Variants in RAB28 observed in about 807,000 individuals in gnomAD.
RAB28 encodes RAB28, member RAS oncogene family, also known as ras-related protein Rab-28.
A neutral mutation model predicts 31.7 loss-of-function variants in RAB28; 24 were observed. The observed-to-expected ratio is 0.76, with a 90% CI of 0.55 to 1.06. The LOEUF (loss-of-function observed/expected upper bound fraction) is 1.06. Among genes scored for constraint, RAB28 ranks in the 50% least tolerant of loss-of-function variants. RAB28 has a pLI of 0.00. For missense variants in RAB28, 254 were observed against 258.5 expected (o/e 0.98, Z 0.12); for synonymous variants, 100 against 90.4 (o/e 1.11, Z -0.60).
rs1456448874 is a variant in RAB28, at chr4:13,484,119, C to G, written c.32G>C (p.Arg11Pro). Reference protein sequence around the residue: MSDSEEESQDRQLKIVVLGDG... With the variant: MSDSEEESQDPQLKIVVLGDG... ...CCCCAGCACGACGATTTTCAGTTGC[C>G]GGTCCTGGCTCTCCTCCTCAGAGTC... Residue 11 changes from arginine (R) to proline (P), a missense_variant, in exon 1 of 7, where the codon CGG (arginine) becomes CCG (proline). By Grantham distance (103) the Arg-to-Pro change is moderately radical. Coordinates refer to ENST00000330852, the MANE Select transcript of RAB28 (RefSeq NM_001017979.3). 5.6e-6 allele frequency: 9 copies of G among 1,599,980 alleles called. No individual in the cohort carries two copies. Among genetic ancestry groups the G allele is most frequent in the Non-Finnish European group, 7.7e-6 (9 of 1,173,542 alleles).
At chr4:13,453,505 A>C (rs1408807186) in intron 4 of RAB28, among the ~76,000 whole-genome samples, 1 of 152,128 alleles carries the variant, frequency 6.6e-6, no homozygotes, top group Non-Finnish European at 1.5e-5. Context: ...CAGATGTAAG[A>C]GTACCTTGAA....
chr4:13,410,417 T>C (rs1032704150), intron 4 of RAB28, among the ~76,000 whole-genome samples: 4 of 152,118 alleles, frequency 2.6e-5, no homozygotes, highest in Non-Finnish European at 5.9e-5. Flanking sequence ...ATTGCCGGTA[T>C]GTTACCAATA....
chr4:13,383,100 C>T (rs551415529), intron 4 of RAB28, among the ~76,000 whole-genome samples: 3 of 152,160 alleles, frequency 2.0e-5, no homozygotes, highest in African/African-American at 7.2e-5. Context: ...AAGGAATGTC[C>T]AGATACCACA....
At chr4:13,458,551 T>C (rs1046826994) in intron 4 of RAB28, among the ~76,000 whole-genome samples, 3 of 152,144 alleles carry the variant, frequency 2.0e-5, no homozygotes, top group African/African-American at 7.2e-5. Flanking sequence ...CTGAAATCAT[T>C]TTCTCTTTTT....
chr4:13,393,250 C>T (rs1287919797), intron 4 of RAB28, among the ~76,000 whole-genome samples: 2 of 152,096 alleles, frequency 1.3e-5, no homozygotes, highest in Non-Finnish European at 2.9e-5. Context: ...CAGTTACATA[C>T]TGAAAGAGGA....
At chr4:13,474,093 T>C (rs745595181) in intron 3 of RAB28, 49 of 678,226 alleles carry the variant, frequency 7.2e-5, no homozygotes, top group East Asian at 2.9e-5. Flanking sequence ...GTAAATAACA[T>C]ACGAAAGCTG....
Position 13,412,855 on chromosome 4 carries a change from A to T in RAB28, c.392-31261T>A, listed in dbSNP as rs189008958. ...AAAAACTCAGAGAAGTTATGGTAAG[A>T]TAATAGGAAGTGATGAAACCTGAGC... On this transcript the variant is annotated intron_variant, in intron 4 of 6. Transcript: ENST00000330852. Among the ~76,000 whole-genome samples, 292 of 152,250 alleles carry T rather than the reference A, an allele frequency of 1.9e-3. 3 individuals are homozygous for T. Among genetic ancestry groups the T allele is most frequent in the Non-Finnish European group, 7.2e-4 (49 of 68,014 alleles).
At chr4:13,415,653 G>A (rs1712726426) in intron 4 of RAB28, among the ~76,000 whole-genome samples, 1 of 151,642 alleles carries the variant, frequency 6.6e-6, no homozygotes, top group African/African-American at 2.4e-5. Flanking sequence ...AGCCTCCCCC[G>A]CCCCCTCCAA....
chr4:13,437,954 T>C (rs1471526793), intron 4 of RAB28, among the ~76,000 whole-genome samples: 3 of 152,046 alleles, frequency 2.0e-5, no homozygotes, highest in African/African-American at 7.2e-5. Flanking sequence ...TAGGCGCACA[T>C]CAAAAGTGGA....
intron 4 of RAB28, among the ~76,000 whole-genome samples, chr4:13,401,437 G>C (rs1437567123): frequency 3.3e-5 from 5 of 152,080 alleles, no homozygotes; most frequent in Non-Finnish European, 7.3e-5. Flanking sequence ...GTGACGGGTT[G>C]ATGGGTGCAG....
At chr4:13,393,219 G>T (rs1729723489) in intron 4 of RAB28, among the ~76,000 whole-genome samples, 1 of 152,224 alleles carries the variant, frequency 6.6e-6, no homozygotes, top group African/African-American at 2.4e-5. Context: ...TAGAAGCCAT[G>T]TCACAGAGAA....
chr4:13,475,672 C>A (rs1168639256), intron 2 of RAB28, among the ~76,000 whole-genome samples: 1 of 149,444 alleles, frequency 6.7e-6, no homozygotes, highest in Non-Finnish European at 1.5e-5. Context: ...TTAATGAGCG[C>A]TAATGTTTTA....
In RAB28 at chr4:13,474,243, T is replaced by C. The variant is rs1043492164; in HGVS notation, c.261+75A>G. ...TAGAAAGAATGTGTGTGTGTGTGCA[T>C]TTGGGAGTAGATTTGCATGTGTGCT... On this transcript the variant is annotated intron_variant, in intron 3 of 6. Transcript: ENST00000330852. The C allele has an allele frequency of 1.1e-5, 10 of 931,700 alleles. No homozygotes were observed. In the African/African-American group the frequency reaches 1.6e-4, roughly 15 times the overall value. The allele number at this position is 931,700 out of a possible 1,614,324, so 57.7% of individuals were successfully genotyped here. A position where few individuals can be genotyped will look rare whatever the true frequency, so the allele number is the denominator to read the frequency against.
At chr4:13,412,386 C>G (rs115012213) in intron 4 of RAB28, among the ~76,000 whole-genome samples, 2,550 of 152,084 alleles carry the variant, frequency 0.017, 69 homozygotes, top group African/African-American at 0.058. Context: ...ATCTATACAC[C>G]GCAAGCAACT....
intron 4 of RAB28, among the ~76,000 whole-genome samples, chr4:13,439,916 C>A (rs980788752): frequency 5.9e-5 from 9 of 152,158 alleles, no homozygotes; most frequent in African/African-American, 2.2e-4. Flanking sequence ...CCATCCATTT[C>A]TCTCTTTAGA....
chr4:13,376,754 T>C lies in RAB28; in HGVS notation c.496-132A>G, dbSNP rs994568150. 10 of 493,676 alleles carry C rather than the reference T, an allele frequency of 2.0e-5. No individual in the cohort carries two copies. In the Admixed American group the frequency reaches 3.8e-4, roughly 19 times the overall value. The allele number at this position is 493,676 out of a possible 1,614,324, so 30.6% of individuals were successfully genotyped here. ...ATGATATAGCAGGTGATTCCAAAAA[T>C]AGCTTTATTTGTCAAATGTAGCAAC... On this transcript the variant is annotated intron_variant, in intron 5 of 6. Transcript: ENST00000330852.
chr4:13,483,939 G>C, intron 1 of RAB28, 137 bp downstream of exon 1: 1 of 764,688 alleles, frequency 1.3e-6, no homozygotes, highest in South Asian at 1.7e-5. Context: ...TCCGGCCTCA[G>C]GCCACACAAC....
chr4:13,370,065 A>G (rs1342700159), intron 6 of RAB28: 4 of 1,470,024 alleles, frequency 2.7e-6, no homozygotes, highest in African/African-American at 2.9e-5. Flanking sequence ...AGAAGGAAAC[A>G]CCAAAGTAGA....
intron 1 of RAB28, among the ~76,000 whole-genome samples, chr4:13,483,478 T>G (rs898584064): frequency 6.6e-6 from 1 of 152,240 alleles, no homozygotes; most frequent in Non-Finnish European, 1.5e-5. Flanking sequence ...GAGTGGACAC[T>G]GTGCTCTAAA....
Sources: allele counts gnomAD v4.1 joint callset (sites outside exome capture counted in the v4.1 genomes callset), GRCh38; gene constraint gnomAD v4.1.1; transcripts MANE v1.5; gene names NCBI Gene and HGNC (gene_info 2026-07-23, HGNC 2026-07-21).